The following FBXW10B variants were observed in gnomAD, a reference collection of about 807,000 sequenced individuals.
The protein encoded by FBXW10B is F-box and WD repeat domain containing protein 10B.
chr17:15,575,187 C>G, the FBXW10B span, among the ~76,000 whole-genome samples: 1 of 148,500 alleles, frequency 6.7e-6, no homozygotes, highest in Non-Finnish European at 1.5e-5. Flanking sequence ...AAGTGTTTTG[C>G]CCTAGGAGAT....
At chr17:15,614,501 G>C in the FBXW10B span, among the ~76,000 whole-genome samples, 1 of 151,964 alleles carries the variant, frequency 6.6e-6, no homozygotes, top group African/African-American at 2.4e-5. Flanking sequence ...GCCGAGAATA[G>C]AATCTTTTGA....
At chr17:15,607,579 A>G in the FBXW10B span, 1 of 1,603,976 alleles carries the variant, frequency 6.2e-7, no homozygotes, top group Non-Finnish European at 8.5e-7. Context: ...CCTACGTGTC[A>G]GAGAGAATGC....
At chr17:15,615,321 C>CTTTTT in the FBXW10B span, among the ~76,000 whole-genome samples, 120 of 88,708 alleles carry the variant, frequency 1.4e-3, 5 homozygotes, top group African/African-American at 4.9e-3. Flanking sequence ...TATTGGCTTT[C>CTTTTT]TTTTTTTTTT....
At chr17:15,594,518 A>G in the FBXW10B span, 6 of 597,968 alleles carry the variant, frequency 1.0e-5, no homozygotes, top group African/African-American at 3.7e-5. Context: ...CCCAGTTTCT[A>G]TAGTTACTTC....
At chr17:15,608,732 G>A in the FBXW10B span, among the ~76,000 whole-genome samples, 3 of 152,184 alleles carry the variant, frequency 2.0e-5, no homozygotes, top group South Asian at 6.2e-4. Flanking sequence ...GGGATTACAC[G>A]TGTGAGCCAC....
chr17:15,603,914 AT>A, the FBXW10B span, among the ~76,000 whole-genome samples: 1 of 131,968 alleles, frequency 7.6e-6, no homozygotes, highest in African/African-American at 3.3e-5. Context: ...CTACTAAAAA[AT>A]ACAAAAAAAA....
At chr17:15,617,611 G>A in the FBXW10B span, among the ~76,000 whole-genome samples, 1 of 152,180 alleles carries the variant, frequency 6.6e-6, no homozygotes, top group African/African-American at 2.4e-5. Flanking sequence ...CCACAGTAAT[G>A]AGTGAGTTCT....
chr17:15,617,926 G>C, the FBXW10B span, among the ~76,000 whole-genome samples: 13 of 152,276 alleles, frequency 8.5e-5, no homozygotes, highest in African/African-American at 2.6e-4. Context: ...CTGCTTCCCT[G>C]AACTATCTGG....
the FBXW10B span, chr17:15,573,644 A>C: frequency 6.4e-6 from 1 of 155,474 alleles, no homozygotes; most frequent in Non-Finnish European, 1.4e-5. Context: ...TTGAAAATGC[A>C]TCTGGTCCTA....
At chr17:15,573,289 C>T in the FBXW10B span, 1 of 152,110 alleles carries the variant, frequency 6.6e-6, no homozygotes, top group Non-Finnish European at 1.5e-5. Flanking sequence ...GCCAGGCTGC[C>T]GATGCTTGTA....
the FBXW10B span, chr17:15,607,659 A>C: frequency 6.2e-7 from 1 of 1,613,660 alleles, no homozygotes. Context: ...TCGTTCTGGT[A>C]TGCAGTCCAC....
the FBXW10B span, among the ~76,000 whole-genome samples, chr17:15,586,721 C>G: frequency 6.6e-6 from 1 of 151,364 alleles, no homozygotes; most frequent in Admixed American, 6.6e-5. Context: ...CATCAGGATG[C>G]TTGGCTTTGA....
chr17:15,590,129 G>A, the FBXW10B span, among the ~76,000 whole-genome samples: 19,195 of 133,852 alleles, frequency 0.14, 1,740 homozygotes, highest in African/African-American at 0.22. Flanking sequence ...CATCCTTCGC[G>A]GCTGAATTCA....
At chr17:15,614,253 A>G in the FBXW10B span, among the ~76,000 whole-genome samples, 1 of 151,822 alleles carries the variant, frequency 6.6e-6, no homozygotes, top group Non-Finnish European at 1.5e-5. Context: ...TAGTGGCGCG[A>G]TCTCGGCTCA....
At chr17:15,570,426 A>AT in the FBXW10B span, among the ~76,000 whole-genome samples, 1 of 152,200 alleles carries the variant, frequency 6.6e-6, no homozygotes, top group East Asian at 1.9e-4. Flanking sequence ...ATGTGTAAGG[A>AT]TAAAAACAGG....
the FBXW10B span, among the ~76,000 whole-genome samples, chr17:15,612,340 T>C: frequency 4.3e-3 from 650 of 150,662 alleles, 5 homozygotes; most frequent in East Asian, 0.024. Context: ...ACCCCGCCTC[T>C]ACTAAAAAAA....
the FBXW10B span, among the ~76,000 whole-genome samples, chr17:15,596,257 T>C: frequency 6.6e-6 from 1 of 152,090 alleles, no homozygotes; most frequent in Non-Finnish European, 1.5e-5. Flanking sequence ...CCTGAGCCCA[T>C]ATCTCATGCT....
At chr17:15,589,757 T>A in the FBXW10B span, among the ~76,000 whole-genome samples, 2 of 151,914 alleles carry the variant, frequency 1.3e-5, no homozygotes, top group Non-Finnish European at 2.9e-5. Flanking sequence ...TCCTGCAATA[T>A]ATGTAAGTAC....
chr17:15,616,170 GGTTT>G, the FBXW10B span, among the ~76,000 whole-genome samples: 1 of 151,512 alleles, frequency 6.6e-6, no homozygotes, highest in Non-Finnish European at 1.5e-5. Context: ...ACTTTTTTTT[GGTTT>G]GTTTGTTTTT....
Sources: gnomAD v4.1 joint callset for allele counts (sites outside exome capture counted in the v4.1 genomes callset) on GRCh38, gnomAD v4.1.1 for gene constraint, MANE v1.5 for transcripts, NCBI Gene and HGNC (gene_info 2026-07-23, HGNC 2026-07-21) for gene names.